PIK3C2A: variants seen among roughly 807,000 people sequenced by gnomAD.
PIK3C2A encodes the protein phosphatidylinositol 4-phosphate 3-kinase C2 domain-containing subunit alpha.
In PIK3C2A, 97 loss-of-function variants were observed where a neutral mutation model predicts 204.5. That is an observed-to-expected ratio of 0.47 (90% CI 0.40 to 0.56). The LOEUF is 0.56. Ranked by LOEUF, PIK3C2A falls within the 20% of genes least tolerant of loss-of-function variation. PIK3C2A has a pLI of 0.00. For synonymous variants in PIK3C2A, 653 were observed against 664.4 expected (o/e 0.98, Z 0.26); for missense variants, 1,735 against 1,969.2 (o/e 0.88, Z 2.25).
intron 8 of PIK3C2A, among the ~76,000 whole-genome samples, chr11:17,145,166 C>T (rs1850193297): frequency 6.6e-6 from 1 of 152,028 alleles, no homozygotes; most frequent in Non-Finnish European, 1.5e-5. Context: ...TGAGTTAAGA[C>T]CTTGGGAGAC....
chr11:17,149,791 G>A lies in PIK3C2A; in HGVS notation c.1327+707C>T, dbSNP rs141739345. ...AGAATAATTGTTACAGTAGCTAATG[G>A]TTTTCTGTTTCAGATTTATATTTTT... On this transcript the variant is annotated intron_variant, in intron 4 of 32. Transcript: ENST00000691414. Among the ~76,000 whole-genome samples the A allele has an allele frequency of 4.9e-3, 744 of 152,084 alleles. 5 individuals carry two copies. The highest frequency in any genetic ancestry group is 0.017 in the African/African-American group (717 of 41,476).
At chr11:17,146,410 G>A (rs996829799) in intron 6 of PIK3C2A, among the ~76,000 whole-genome samples, 15 of 152,086 alleles carry the variant, frequency 9.9e-5, no homozygotes, top group African/African-American at 3.6e-4. Context: ...TTACGCAAAT[G>A]TAGTCAAGAA....
chr11:17,205,245 G>A (rs935314018), intron 1 of PIK3C2A, among the ~76,000 whole-genome samples: 3 of 151,696 alleles, frequency 2.0e-5, no homozygotes, highest in Admixed American at 2.0e-4. Flanking sequence ...GCCGAGGTGG[G>A]CAGATCACAA....
rs371983600 is a variant in PIK3C2A, at chr11:17,131,917, G to A, written c.2230C>T (p.Leu744=). 1.3e-4 allele frequency: 207 copies of A among 1,601,052 alleles called. No homozygotes were observed. The highest frequency in any genetic ancestry group is 1.7e-4 in the Non-Finnish European group (198 of 1,175,066). Residue 744 remains leucine, a splice_region_variant and synonymous_variant, in exon 12 of 33, where the codon CTA becomes TTA. Transcript: ENST00000691414. ...TAAAAAGCCAGAAATTTCACTTACA[G>A]TTCATCCCATTTAATAAGATAGAAG... ...NFFYLIKWDE[L]IIFPIQISQL...
Position 17,122,790 on chromosome 11 carries a change from A to G in PIK3C2A, c.2423T>C (p.Leu808Pro). ...ATGTGATGAAGTCCAAAGATATAGA[A>G]GTTTAGTTCCACATGTTAAAAACCT... ...FKRFLTCGTK[L>P]LYLWTSSHTN... The change falls in exon 14 of 33, where the codon CTT (leucine) becomes CCT (proline). Residue 808 changes from leucine (L) to proline (P), a missense_variant. Around this residue, in one of 6 missense-constraint regions of PIK3C2A, gnomAD observed 567 missense variants for 576.0 expected, o/e 0.98. Coordinates refer to ENST00000691414, the MANE Select transcript of PIK3C2A (RefSeq NM_002645.4). The G allele has an allele frequency of 6.7e-7, 1 of 1,500,002 alleles. No homozygotes were observed. Among genetic ancestry groups the G allele is most frequent in the Non-Finnish European group, 9.2e-7 (1 of 1,090,178 alleles). 92.9% of individuals were successfully genotyped at this position (1,500,002 alleles called of 1,614,324 possible).
intron 1 of PIK3C2A, chr11:17,193,412 C>G: frequency 7.2e-6 from 2 of 276,632 alleles, no homozygotes; most frequent in Non-Finnish European, 1.4e-5. Context: ...AAGGTATTAA[C>G]AGAAATTCAA....
intron 2 of PIK3C2A, among the ~76,000 whole-genome samples, chr11:17,168,372 G>A (rs1851040853): frequency 6.6e-6 from 1 of 152,126 alleles, no homozygotes; most frequent in African/African-American, 2.4e-5. Context: ...ACGAGGTCAG[G>A]AGATCGAGAC....
intron 27 of PIK3C2A, among the ~76,000 whole-genome samples, chr11:17,095,945 CATAAA>C (rs1160028520): frequency 2.0e-5 from 3 of 150,126 alleles, no homozygotes; most frequent in Non-Finnish European, 3.0e-5. Context: ...AATAACATAA[CATAAA>C]ATAAAATAAA....
chr11:17,102,880 G>A (rs1848686853), intron 23 of PIK3C2A, 49 bp from the exon 24 acceptor site: 3 of 1,244,444 alleles, frequency 2.4e-6, no homozygotes, highest in Admixed American at 2.1e-5. Context: ...ATTTTTAAAA[G>A]AGGCAGAGTT....
intron 24 of PIK3C2A, 41 bp downstream of exon 24, chr11:17,102,620 AG>A: frequency 6.7e-7 from 1 of 1,486,400 alleles, no homozygotes; most frequent in Non-Finnish European, 9.2e-7. Flanking sequence ...TTTGTGAAAC[AG>A]GAAGTGCCTC....
chr11:17,156,788 A>G (rs1303499274), intron 2 of PIK3C2A, among the ~76,000 whole-genome samples: 1 of 152,208 alleles, frequency 6.6e-6, no homozygotes, highest in East Asian at 1.9e-4. Context: ...CGAGTGCTAC[A>G]AAACCACAAT....
At chr11:17,141,133 T>C (rs1371552253) in intron 8 of PIK3C2A, among the ~76,000 whole-genome samples, 3 of 152,198 alleles carry the variant, frequency 2.0e-5, no homozygotes, top group African/African-American at 7.2e-5. Flanking sequence ...TGAATTTTAC[T>C]AAGTAAGAGA....
In PIK3C2A at chr11:17,105,340, T is replaced by A. The variant is rs1443380658; in HGVS notation, c.3545-35A>T. On this transcript the variant is annotated intron_variant, in intron 22 of 32. Coordinates refer to ENST00000691414, the MANE Select transcript of PIK3C2A (RefSeq NM_002645.4). ...TAAAATATTAAGCTATGTAAAACTG[T>A]CTCTCCAAAGTAAGCCTTTAAACAT... 3.2e-6 allele frequency: 5 copies of A among 1,554,146 alleles called. No homozygotes were observed. In the African/African-American group the frequency reaches 7.0e-5, roughly 22 times the overall value.
chr11:17,160,768 T>C (rs1294410323), intron 2 of PIK3C2A, among the ~76,000 whole-genome samples: 2 of 135,260 alleles, frequency 1.5e-5, no homozygotes, highest in African/African-American at 5.4e-5. Flanking sequence ...AGGTTGCAGT[T>C]AGCCGAGGTT....
chr11:17,130,297 C>T (rs1382746520), intron 12 of PIK3C2A, among the ~76,000 whole-genome samples: 1 of 152,096 alleles, frequency 6.6e-6, no homozygotes, highest in Non-Finnish European at 1.5e-5. Flanking sequence ...CACTTGAAGT[C>T]AACAGTAGGC....
At chr11:17,196,762 G>A (rs1021613982) in intron 1 of PIK3C2A, among the ~76,000 whole-genome samples, 1 of 152,000 alleles carries the variant, frequency 6.6e-6, no homozygotes, top group Non-Finnish European at 1.5e-5. Context: ...AGTAGAGATG[G>A]GGTTTCACCG....
chr11:17,164,560 T>C (rs1025358166), intron 2 of PIK3C2A, among the ~76,000 whole-genome samples: 1 of 152,222 alleles, frequency 6.6e-6, no homozygotes, highest in Admixed American at 6.5e-5. Context: ...GTAAAGCTGT[T>C]GATATGCTAC....
intron 17 of PIK3C2A, 149 bp downstream of exon 17, chr11:17,119,071 A>C: frequency 1.7e-6 from 1 of 598,906 alleles, no homozygotes. Context: ...AGTGGGGAAA[A>C]AATTCACACT....
At chr11:17,191,038 T>G (rs552347327) in intron 1 of PIK3C2A, among the ~76,000 whole-genome samples, 11 of 152,220 alleles carry the variant, frequency 7.2e-5, no homozygotes, top group Non-Finnish European at 8.8e-5. Context: ...CCAATGAGGT[T>G]ATAATGTAGT....
Sources: allele counts gnomAD v4.1 joint callset (sites outside exome capture counted in the v4.1 genomes callset), GRCh38; gene constraint gnomAD v4.1.1; regional missense constraint gnomAD v4.1.1; transcripts MANE v1.5; gene names NCBI Gene and HGNC (gene_info 2026-07-23, HGNC 2026-07-21).